The following AKAP6 variants were observed in gnomAD, a reference collection of about 807,000 sequenced individuals.
AKAP6 encodes A-kinase anchoring protein 6.
AKAP6 carries 58 observed loss-of-function variants against 188.5 expected under a neutral mutation model. The observed-to-expected ratio is 0.31, with a 90% confidence interval of 0.25 to 0.38. The LOEUF (loss-of-function observed/expected upper bound fraction) is 0.38, where lower values mean the gene tolerates loss of function less well. Ranked by LOEUF, AKAP6 falls within the 10% of genes least tolerant of loss-of-function variation. The pLI is 1.00. For missense variants in AKAP6, 2,710 were observed against 2,740.0 expected, an observed-to-expected ratio of 0.99 and a Z score of 0.24; for synonymous variants, 989 against 998.6, an observed-to-expected ratio of 0.99 and a Z score of 0.18.
chr14:32,695,156 T>C (rs1594856082), intron 8 of AKAP6, among the ~76,000 whole-genome samples: 1 of 152,214 alleles, frequency 6.6e-6, no homozygotes, highest in East Asian at 1.9e-4. Context: ...GATCCTCCTT[T>C]GAATTTTAAT....
intron 4 of AKAP6, among the ~76,000 whole-genome samples, chr14:32,549,137 A>AT (rs1328159359): frequency 6.6e-6 from 1 of 152,218 alleles, no homozygotes; most frequent in East Asian, 1.9e-4. Context: ...CAACCCTGAT[A>AT]TTAACCTTAT....
chr14:32,814,491 G>A (rs779505192), intron 12 of AKAP6, among the ~76,000 whole-genome samples: 1 of 152,078 alleles, frequency 6.6e-6, no homozygotes, highest in Non-Finnish European at 1.5e-5. Flanking sequence ...TATATAAATG[G>A]AATCATACAA....
At chr14:32,335,539 T>C (rs8006624) in intron 1 of AKAP6, among the ~76,000 whole-genome samples, 32,408 of 152,058 alleles carry the variant, frequency 0.21, 3,780 homozygotes, top group East Asian at 0.39. Flanking sequence ...GGTAATTCAG[T>C]GGCATGCAAA....
chr14:32,718,066 A>G (rs1308325702), intron 9 of AKAP6, among the ~76,000 whole-genome samples: 1 of 152,134 alleles, frequency 6.6e-6, no homozygotes, highest in East Asian at 1.9e-4. Flanking sequence ...ACTGAGATCT[A>G]AAGATGTATT....
chr14:32,629,047 A>G (rs1269829864), intron 7 of AKAP6, among the ~76,000 whole-genome samples: 1 of 151,830 alleles, frequency 6.6e-6, no homozygotes, highest in Non-Finnish European at 1.5e-5. Context: ...TTCTATTACT[A>G]CTCCTCCAGG....
chr14:32,735,930 G>A (rs2031400830), intron 11 of AKAP6, 48 bp downstream of exon 11: 3 of 1,379,036 alleles, frequency 2.2e-6, no homozygotes, highest in Non-Finnish European at 1.0e-6. Flanking sequence ...TTTATGGTAG[G>A]GATGAAATAT....
At chr14:32,384,581 G>A (rs925541133) in intron 1 of AKAP6, among the ~76,000 whole-genome samples, 1 of 152,132 alleles carries the variant, frequency 6.6e-6, no homozygotes, top group African/African-American at 2.4e-5. Context: ...TTAATACGTG[G>A]CAGAGCTAAG....
At chr14:32,573,761 A>T (rs138274366) in intron 4 of AKAP6, among the ~76,000 whole-genome samples, 1 of 152,112 alleles carries the variant, frequency 6.6e-6, no homozygotes, top group African/African-American at 2.4e-5. Flanking sequence ...TGTCATCCTT[A>T]TTTTCTTTCA....
At chr14:32,485,269 A>G (rs1879619396) in intron 2 of AKAP6, among the ~76,000 whole-genome samples, 1 of 151,146 alleles carries the variant, frequency 6.6e-6, no homozygotes, top group Non-Finnish European at 1.5e-5. Context: ...GCTGCAATAA[A>G]CATATGTATG....
chr14:32,621,150 G>A (rs1366250519), intron 7 of AKAP6, among the ~76,000 whole-genome samples: 1 of 151,586 alleles, frequency 6.6e-6, no homozygotes, highest in Non-Finnish European at 1.5e-5. Context: ...TTGGTGTTTT[G>A]TGTTTTTTCT....
At chr14:32,616,365 A>G (rs748463537) in intron 7 of AKAP6, among the ~76,000 whole-genome samples, 9 of 152,238 alleles carry the variant, frequency 5.9e-5, no homozygotes, top group East Asian at 3.9e-4. Flanking sequence ...ACGCCCATCA[A>G]TTGTAGACTG....
chr14:32,464,358 C>G (rs960020514), intron 2 of AKAP6, among the ~76,000 whole-genome samples: 9 of 152,178 alleles, frequency 5.9e-5, no homozygotes, highest in Admixed American at 5.9e-4. Context: ...AAAATACTGG[C>G]AAACTGAATC....
chr14:32,517,431 T>C (rs1218871628), intron 2 of AKAP6, among the ~76,000 whole-genome samples: 4 of 152,178 alleles, frequency 2.6e-5, no homozygotes, highest in Admixed American at 2.6e-4. Flanking sequence ...TCACTGAGGA[T>C]TGTTGGACAG....
chr14:32,357,437 A>G (rs1376569005), intron 1 of AKAP6, among the ~76,000 whole-genome samples: 2 of 152,218 alleles, frequency 1.3e-5, no homozygotes, highest in Admixed American at 6.5e-5. Flanking sequence ...ATTATTTTGT[A>G]TGATGTTCTT....
chr14:32,740,925 T>A (rs1270447013), intron 11 of AKAP6, among the ~76,000 whole-genome samples: 5 of 152,028 alleles, frequency 3.3e-5, no homozygotes, highest in Non-Finnish European at 7.4e-5. Context: ...TTGATAGAGA[T>A]TGTATTGAAT....
intron 7 of AKAP6, among the ~76,000 whole-genome samples, chr14:32,650,470 G>A (rs529759256): frequency 2.0e-5 from 3 of 152,168 alleles, no homozygotes; most frequent in East Asian, 1.9e-4. Context: ...AAAATTAGTC[G>A]GGTGTGGTGG....
chr14:32,755,645 A>G (rs1359245848), intron 11 of AKAP6, among the ~76,000 whole-genome samples: 1 of 151,938 alleles, frequency 6.6e-6, no homozygotes, highest in Non-Finnish European at 1.5e-5. Context: ...CCTCCACCTT[A>G]GCCTCCTGAG....
intron 11 of AKAP6, among the ~76,000 whole-genome samples, chr14:32,754,771 T>C (rs1340004102): frequency 6.6e-6 from 1 of 152,216 alleles, no homozygotes; most frequent in East Asian, 1.9e-4. Context: ...AAATATGGTA[T>C]TCTTGGTTGC....
chr14:32,691,715 T>G (rs895578919), intron 8 of AKAP6, among the ~76,000 whole-genome samples: 2 of 152,102 alleles, frequency 1.3e-5, no homozygotes, highest in African/African-American at 4.8e-5. Context: ...TGTGCCACCA[T>G]GCCTGGCTGA....
Sources: gnomAD v4.1 joint callset for allele counts (sites outside exome capture counted in the v4.1 genomes callset) on GRCh38, gnomAD v4.1.1 for gene constraint, MANE v1.5 for transcripts, NCBI Gene and HGNC (gene_info 2026-07-23, HGNC 2026-07-21) for gene names.